The following CNTN4 variants were observed in gnomAD, a reference collection of about 807,000 sequenced individuals.
CNTN4 encodes contactin-4.
CNTN4 carries 77 observed loss-of-function variants against 122.5 expected under a neutral mutation model. That is an observed-to-expected ratio of 0.63 (90% CI 0.52 to 0.76). The LOEUF (loss-of-function observed/expected upper bound fraction) is 0.76. Among genes scored for constraint, CNTN4 ranks in the 30% least tolerant of loss-of-function variants. CNTN4 has a pLI of 0.00. For synonymous variants in CNTN4, 512 were observed against 447.0 expected, an observed-to-expected ratio of 1.15 and a Z score of -1.83; for missense variants, 1,256 against 1,259.1, an observed-to-expected ratio of 1.00 and a Z score of 0.04.
chr3:2,154,445 C>T (rs1310124491), intron 2 of CNTN4, among the ~76,000 whole-genome samples: 1 of 151,922 alleles, frequency 6.6e-6, no homozygotes, highest in Non-Finnish European at 1.5e-5. Context: ...TTTGTTCCAT[C>T]CTGGATCATT....
At chr3:2,584,793 G>A (rs2080109385) in intron 4 of CNTN4, among the ~76,000 whole-genome samples, 1 of 151,560 alleles carries the variant, frequency 6.6e-6, no homozygotes, top group South Asian at 2.1e-4. Context: ...GGGGAAGGAG[G>A]AAGAAAACAA....
At chr3:2,656,946 G>T (rs183170490) in intron 4 of CNTN4, among the ~76,000 whole-genome samples, 56 of 152,274 alleles carry the variant, frequency 3.7e-4, no homozygotes, top group Admixed American at 2.0e-3. Context: ...AAATGAGTAA[G>T]CTCTCTGAAA....
intron 4 of CNTN4, among the ~76,000 whole-genome samples, chr3:2,609,831 A>T (rs1329291026): frequency 6.6e-6 from 1 of 152,138 alleles, no homozygotes; most frequent in African/African-American, 2.4e-5. Flanking sequence ...ACTATCAATA[A>T]AGAGGTATTT....
intron 3 of CNTN4, among the ~76,000 whole-genome samples, chr3:2,388,194 G>A (rs146555217): frequency 6.6e-6 from 1 of 152,310 alleles, no homozygotes; most frequent in African/African-American, 2.4e-5. Flanking sequence ...TATTTCTGAT[G>A]AGCTGTAGAT....
At chr3:2,303,359 C>T (rs1486821847) in intron 2 of CNTN4, among the ~76,000 whole-genome samples, 1 of 152,062 alleles carries the variant, frequency 6.6e-6, no homozygotes, top group Non-Finnish European at 1.5e-5. Flanking sequence ...ATTGCTTCCA[C>T]TCGTTTCCCC....
intron 4 of CNTN4, among the ~76,000 whole-genome samples, chr3:2,720,062 A>G (rs377562653): frequency 6.6e-6 from 1 of 152,194 alleles, no homozygotes; most frequent in East Asian, 1.9e-4. Context: ...CTTGCAAGCA[A>G]TAGACAAGTA....
chr3:2,163,007 G>A (rs2036032486), intron 2 of CNTN4, among the ~76,000 whole-genome samples: 1 of 152,186 alleles, frequency 6.6e-6, no homozygotes, highest in Non-Finnish European at 1.5e-5. Context: ...TGAGGTGGAA[G>A]GCTAGCTTGA....
intron 2 of CNTN4, among the ~76,000 whole-genome samples, chr3:2,209,717 T>G (rs1157219763): frequency 2.0e-5 from 3 of 152,186 alleles, no homozygotes; most frequent in Non-Finnish European, 2.9e-5. Context: ...GTAGCTCTAT[T>G]GATAAAGCTA....
Position 2,716,087 on chromosome 3 carries a change from A to G in CNTN4, c.56-20128A>G, listed in dbSNP as rs112648531. On this transcript the variant is annotated intron_variant, in intron 4 of 24. Coordinates refer to ENST00000418658, the MANE Select transcript of CNTN4 (RefSeq NM_175607.3). ...TCAAACGATCCTCCTGCCTCAGCCT[A>G]CTGAGTAGCTGAGACCACAGGTGTG... Among the ~76,000 whole-genome samples the G allele has an allele frequency of 4.3e-3, 659 of 152,146 alleles. 7 individuals carry two copies. Among genetic ancestry groups the G allele is most frequent in the African/African-American group, 0.015 (637 of 41,540 alleles).
At chr3:2,728,770 G>A (rs2088427424) in intron 4 of CNTN4, among the ~76,000 whole-genome samples, 1 of 152,058 alleles carries the variant, frequency 6.6e-6, no homozygotes, top group Non-Finnish European at 1.5e-5. Context: ...GGTATTCTAA[G>A]CTTCTATTCA....
At chr3:2,371,162 AT>A (rs1265563001) in intron 3 of CNTN4, among the ~76,000 whole-genome samples, 1 of 152,170 alleles carries the variant, frequency 6.6e-6, no homozygotes, top group African/African-American at 2.4e-5. Flanking sequence ...TCCTTCTAAC[AT>A]AGTTCATCAA....
intron 9 of CNTN4, among the ~76,000 whole-genome samples, chr3:2,885,386 A>G (rs1382698525): frequency 6.6e-6 from 1 of 152,128 alleles, no homozygotes; most frequent in Non-Finnish European, 1.5e-5. Context: ...TTCTCTCACT[A>G]TTTTAAGCGA....
chr3:2,801,159 C>T (rs1445944396), intron 6 of CNTN4, among the ~76,000 whole-genome samples: 1 of 152,174 alleles, frequency 6.6e-6, no homozygotes, highest in East Asian at 1.9e-4. Flanking sequence ...GTTCCATGAC[C>T]TTAAAGCAAG....
At chr3:2,317,241 A>G (rs991347472) in intron 2 of CNTN4, among the ~76,000 whole-genome samples, 5 of 152,234 alleles carry the variant, frequency 3.3e-5, no homozygotes, top group Admixed American at 2.6e-4. Flanking sequence ...ACAAGTTTGC[A>G]TATCTGAATT....
At chr3:2,565,224 T>C (rs1341706197) in intron 3 of CNTN4, among the ~76,000 whole-genome samples, 1 of 152,172 alleles carries the variant, frequency 6.6e-6, no homozygotes, top group East Asian at 1.9e-4. Context: ...GTCCCTTATG[T>C]CTTCCCCTCT....
At chr3:2,261,617 A>G (rs1285265895) in intron 2 of CNTN4, among the ~76,000 whole-genome samples, 7 of 152,160 alleles carry the variant, frequency 4.6e-5, no homozygotes, top group South Asian at 2.1e-4. Flanking sequence ...ACCATTAACT[A>G]TCAACACCAA....
intron 13 of CNTN4, among the ~76,000 whole-genome samples, chr3:2,955,817 G>T (rs1195878455): frequency 6.6e-6 from 1 of 152,184 alleles, no homozygotes; most frequent in Non-Finnish European, 1.5e-5. Flanking sequence ...GACAGATATT[G>T]TGAAGAAATT....
chr3:2,343,255 A>G (rs1362826423), intron 3 of CNTN4, among the ~76,000 whole-genome samples: 1 of 152,148 alleles, frequency 6.6e-6, no homozygotes, highest in Non-Finnish European at 1.5e-5. Flanking sequence ...TAACAAAGGG[A>G]TTAGAGGCTA....
At chr3:2,389,887 T>G (rs78137135) in intron 3 of CNTN4, among the ~76,000 whole-genome samples, 2,831 of 152,278 alleles carry the variant, frequency 0.019, 77 homozygotes, top group African/African-American at 0.064. Flanking sequence ...CTTTACAAAA[T>G]AATTGTCCTG....
Sources: gnomAD v4.1 joint callset for allele counts (sites outside exome capture counted in the v4.1 genomes callset) on GRCh38, gnomAD v4.1.1 for gene constraint, MANE v1.5 for transcripts, NCBI Gene and HGNC (gene_info 2026-07-23, HGNC 2026-07-21) for gene names.